Variants in SLC11A1 observed in about 807,000 individuals in gnomAD.
SLC11A1 encodes natural resistance-associated macrophage protein 1.
A neutral mutation model predicts 63.2 loss-of-function variants in SLC11A1; 59 were observed. That is an observed-to-expected ratio of 0.93 (90% CI 0.76 to 1.16). The LOEUF (loss-of-function observed/expected upper bound fraction) is 1.16, where lower values mean the gene tolerates loss of function less well. Among genes scored for constraint, SLC11A1 ranks in the 50% most tolerant of loss-of-function variants. The pLI, the probability that SLC11A1 is intolerant of heterozygous loss-of-function variation, is 0.00. For synonymous variants in SLC11A1, 305 were observed against 307.8 expected (o/e 0.99, Z 0.09); for missense variants, 688 against 730.7 (o/e 0.94, Z 0.67).
At position 218,393,510 on chromosome 2, in the gene SLC11A1, C is replaced by G. The variant is rs542084817; in HGVS notation, c.1314+380C>G. ...TTTTTTTTTGAGACGGAGTTTCACTCTTGTTACCCAGGCTAGAGTGCAGTG... is the reference window on the plus strand; with the variant it reads ...TTTTTTTTTGAGACGGAGTTTCACTGTTGTTACCCAGGCTAGAGTGCAGTG... On this transcript the variant is annotated intron_variant, in intron 12 of 14. Transcript: ENST00000233202. Among the ~76,000 whole-genome samples, 4 of 138,006 alleles carry G rather than the reference C, an allele frequency of 2.9e-5. No individual in the cohort carries two copies. In the South Asian group the frequency reaches 9.1e-4, roughly 31 times the overall value. 90.5% of individuals were successfully genotyped at this position (138,006 alleles called of 152,430 possible). A position where few individuals can be genotyped will look rare whatever the true frequency, so the allele number is the denominator to read the frequency against.
At chr2:218,385,823 T>C (rs1193769696) in intron 4 of SLC11A1, among the ~76,000 whole-genome samples, 1 of 151,994 alleles carries the variant, frequency 6.6e-6, no homozygotes, top group Admixed American at 6.6e-5. Context: ...AGACAAAAAA[T>C]GGGGAGGCAT....
At chr2:218,387,691 C>T in intron 7 of SLC11A1, 59 bp downstream of exon 7, 6 of 1,612,568 alleles carry the variant, frequency 3.7e-6, no homozygotes, top group African/African-American at 2.7e-5. Flanking sequence ...CTCTCCCTTC[C>T]CTCTGGCCGC....
At position 218,392,999 on chromosome 2, in the gene SLC11A1, T is replaced by C; in HGVS notation, c.1183T>C (p.Trp395Arg). ...FVMEGFLRLR[W>R]SRFARVLLTR... is the part of the protein sequence containing the mutation. ...ACCCCAGGGCTTCCTGAGGCTGCGGTGGTCACGCTTCGCCCGTGTCCTCCT... is the reference window on the plus strand; with the variant it reads ...ACCCCAGGGCTTCCTGAGGCTGCGGCGGTCACGCTTCGCCCGTGTCCTCCT... Residue 395 changes from tryptophan to arginine, a missense_variant, in exon 12 of 15, where the codon TGG (tryptophan) becomes CGG (arginine). By Grantham distance (101) the Trp-to-Arg change is moderately radical (BLOSUM62 -3). Transcript: ENST00000233202. 1 of 1,592,860 alleles carries C rather than the reference T, an allele frequency of 6.3e-7. No homozygotes were observed. The highest frequency in any genetic ancestry group is 8.5e-7 in the Non-Finnish European group (1 of 1,172,740).
intron 4 of SLC11A1, among the ~76,000 whole-genome samples, chr2:218,386,278 C>G (rs1270895499): frequency 6.6e-6 from 1 of 152,044 alleles, no homozygotes; most frequent in East Asian, 1.9e-4. Flanking sequence ...CATGGAGAAA[C>G]CCCGTCTCTA....
chr2:218,394,734 C>T lies in SLC11A1; in HGVS notation c.1491C>T (p.Phe497=), dbSNP rs1263533984. The T allele has an allele frequency of 4.3e-6, 7 of 1,613,938 alleles. No individual in the cohort carries two copies. The highest frequency in any genetic ancestry group is 4.0e-5 in the African/African-American group (3 of 75,070). The part of the protein sequence containing the change: ...YLPSLPHPAY[F]GLAALLAAAY... Reference sequence around the variant, plus strand: ...CCAGCCTGCCCCACCCTGCCTACTTCGGCCTTGCAGCCTTGCTGGCCGCAG... The same window carrying T: ...CCAGCCTGCCCCACCCTGCCTACTTTGGCCTTGCAGCCTTGCTGGCCGCAG... Residue 497 remains phenylalanine, a synonymous_variant, in exon 14 of 15, where the codon TTC becomes TTT. Coordinates refer to ENST00000233202, the MANE Select transcript of SLC11A1 (RefSeq NM_000578.4).
Position 218,393,011 on chromosome 2 carries a change from G to T in SLC11A1, c.1195G>T (p.Ala399Ser), listed in dbSNP as rs140431789. Residue 399 changes from alanine to serine, a missense_variant, in exon 12 of 15, where the codon GCC becomes TCC. Coordinates refer to ENST00000233202, the MANE Select transcript of SLC11A1 (RefSeq NM_000578.4). The part of the protein sequence containing the change: ...GFLRLRWSRF[A>S]RVLLTRSCAI... ...CCTGAGGCTGCGGTGGTCACGCTTC[G>T]CCCGTGTCCTCCTCACCCGCTCCTG... is the stretch of plus-strand genomic sequence containing the variant. 6.3e-7 allele frequency: 1 copy of T among 1,595,638 alleles called. No homozygotes were observed. The highest frequency in any genetic ancestry group is 1.7e-5 in the Admixed American group (1 of 58,150).
At position 218,392,974 on chromosome 2, in the gene SLC11A1, A is replaced by G. The variant is rs17221987; in HGVS notation, c.1165-7A>G. 30 of 1,582,926 alleles carry G rather than the reference A, an allele frequency of 1.9e-5. No homozygotes were observed. The highest frequency in any genetic ancestry group is 3.6e-5 in the Admixed American group (2 of 56,180). On this transcript the variant is annotated splice_region_variant and splice_polypyrimidine_tract_variant and intron_variant, in intron 11 of 14. Transcript: ENST00000233202. ...ACTCCTCACCAAGGAGTTCACCCCC[A>G]CCCCAGGGCTTCCTGAGGCTGCGGT...
At position 218,385,460 on chromosome 2, in the gene SLC11A1, A is replaced by G. The variant is rs1368741611; in HGVS notation, c.393+194A>G. The G allele has an allele frequency of 5.9e-6, 4 of 679,212 alleles. No homozygotes were observed. In the African/African-American group the frequency reaches 7.1e-5, roughly 12 times the overall value. 42.1% of individuals were successfully genotyped at this position (679,212 alleles called of 1,614,324 possible). ...GTCAGGAGTGCAATGGTGCGATGTC[A>G]GCTCACTGCAACCTCTACCTCCCAG... On this transcript the variant is annotated intron_variant, in intron 4 of 14. Transcript: ENST00000233202.
intron 13 of SLC11A1, 194 bp from the exon 14 acceptor site, chr2:218,394,438 C>A (rs1223410093): frequency 2.8e-6 from 2 of 720,302 alleles, no homozygotes; most frequent in Non-Finnish European, 4.5e-6. Flanking sequence ...CTTGCCAAAT[C>A]CCGCCAGTGT....
At position 218,384,110 on chromosome 2, in the gene SLC11A1, C is replaced by T; in HGVS notation, c.151-133C>T. On this transcript the variant is annotated intron_variant, in intron 2 of 14. Transcript: ENST00000233202. This position sits in a 1 kb window ranked among gnomAD's most constrained non-coding sequence, Gnocchi z 4.0. ...CCCTCCCCATCCCTTGGGTGGCAGA[C>T]CCAGGAATGGGCCATGGAGGGCAGG... 1 of 940,096 alleles carries T rather than the reference C, an allele frequency of 1.1e-6. No individual in the cohort carries two copies. Among genetic ancestry groups the T allele is most frequent in the South Asian group, 2.7e-5 (1 of 37,708 alleles). 58.2% of individuals were successfully genotyped at this position (940,096 alleles called of 1,614,324 possible).
intron 5 of SLC11A1, 30 bp downstream of exon 5, chr2:218,386,771 G>T (rs774712680): frequency 4.5e-6 from 7 of 1,547,408 alleles, no homozygotes; most frequent in Non-Finnish European, 6.2e-6. Context: ...CAACTCTTCA[G>T]GCCAGGCAGA....
chr2:218,391,145 C>T, intron 9 of SLC11A1, 53 bp from the exon 10 acceptor site: 1 of 1,548,546 alleles, frequency 6.5e-7, no homozygotes, highest in African/African-American at 1.4e-5. Context: ...GTCCAGTTTC[C>T]CAAGGCTGAG....
In SLC11A1 at chr2:218,394,128, C is replaced by T. The variant is rs759882881; in HGVS notation, c.1323C>T (p.Phe441=). Residue 441 remains phenylalanine, a synonymous_variant, in exon 13 of 15, where the codon TTC becomes TTT. Coordinates refer to ENST00000233202, the MANE Select transcript of SLC11A1 (RefSeq NM_000578.4). ...CCTGCTGCTCTCCCCAGCTCCCGTT[C>T]GCCGTGCTGCCCATCCTCACGTTCA... ...LNVLQSLLLP[F]AVLPILTFTS... The T allele has an allele frequency of 5.6e-6, 9 of 1,614,142 alleles. No individual in the cohort carries two copies. The highest frequency in any genetic ancestry group is 2.2e-5 in the East Asian group (1 of 44,884).
At chr2:218,392,925 C>T in intron 11 of SLC11A1, 56 bp from the exon 12 acceptor site, 1 of 1,421,028 alleles carries the variant, frequency 7.0e-7, no homozygotes. Context: ...GAGGATCTCT[C>T]CTCTGGAATC....
At position 218,384,893 on chromosome 2, in the gene SLC11A1, A is replaced by T. The variant is rs149488479; in HGVS notation, c.274-254A>T. ...TGAGCCACCTTGCCTGGCGTAATTTATTTATTTATTTAGAGATGGGGGTCT... is the reference window on the plus strand; with the variant it reads ...TGAGCCACCTTGCCTGGCGTAATTTTTTTATTTATTTAGAGATGGGGGTCT... On this transcript the variant is annotated intron_variant, in intron 3 of 14. Coordinates refer to ENST00000233202, the MANE Select transcript of SLC11A1 (RefSeq NM_000578.4). This position sits in a 1 kb window ranked among gnomAD's most constrained non-coding sequence, Gnocchi z 4.0. 2.5e-6 allele frequency: 1 copy of T among 405,358 alleles called. No individual in the cohort carries two copies. Among genetic ancestry groups the T allele is most frequent in the Non-Finnish European group, 4.6e-6 (1 of 216,820 alleles). 25.1% of individuals were successfully genotyped at this position (405,358 alleles called of 1,614,324 possible). A position where few individuals can be genotyped will look rare whatever the true frequency, so the allele number is the denominator to read the frequency against.
chr2:218,386,649 C>T lies in SLC11A1; in HGVS notation c.408C>T (p.Val136=), dbSNP rs894848159. The T allele has an allele frequency of 2.5e-6, 4 of 1,613,688 alleles. No homozygotes were observed. The African/African-American group carries it at 5.3e-5, about 22-fold the overall frequency. The change falls in exon 5 of 15, where the codon GTC becomes GTT. Residue 136 remains valine (V), a synonymous_variant. Coordinates refer to ENST00000233202, the MANE Select transcript of SLC11A1 (RefSeq NM_000578.4). The part of the protein sequence containing the change: ...HLYYPKVPRT[V]LWLTIELAIV... ...CCTCCCCATAGGTGCCCCGCACCGT[C>T]CTCTGGCTGACCATCGAGCTAGCCA...
intron 4 of SLC11A1, 76 bp downstream of exon 4, chr2:218,385,342 A>G: frequency 6.3e-7 from 1 of 1,583,714 alleles, no homozygotes; most frequent in Non-Finnish European, 8.7e-7. Flanking sequence ...TCCACGATCA[A>G]ATAAATACAT....
chr2:218,384,200 A>G lies in SLC11A1; in HGVS notation c.151-43A>G, dbSNP rs1297478428. ...GCCAAGGCCAGCTGCCACCATCCCT[A>G]TACCCAGGACCCCCTCACTCTACTC... On this transcript the variant is annotated intron_variant, in intron 2 of 14. Coordinates refer to ENST00000233202, the MANE Select transcript of SLC11A1 (RefSeq NM_000578.4). This position sits in a 1 kb window ranked among gnomAD's most constrained non-coding sequence, Gnocchi z 4.0. 4.5e-6 allele frequency: 7 copies of G among 1,549,174 alleles called. No homozygotes were observed. The highest frequency in any genetic ancestry group is 2.7e-5 in the African/African-American group (2 of 73,308).
rs1003382707 is a variant in SLC11A1, at chr2:218,390,032, A to C, written c.954+4A>C. ...CCAGAAAACCAACCAGGCTGCGGTG[A>C]GACACACTTTCCCCCGCACCTGAGG... On this transcript the variant is annotated splice_donor_region_variant and intron_variant, in intron 9 of 14. Coordinates refer to ENST00000233202, the MANE Select transcript of SLC11A1 (RefSeq NM_000578.4). The C allele has an allele frequency of 1.9e-5, 31 of 1,607,844 alleles. No homozygotes were observed. The highest frequency in any genetic ancestry group is 2.3e-5 in the Non-Finnish European group (27 of 1,176,700).
Sources: gnomAD v4.1 joint callset for allele counts (sites outside exome capture counted in the v4.1 genomes callset) on GRCh38, gnomAD v4.1.1 for gene constraint, Gnocchi (gnomAD v3.1) non-coding constraint, MANE v1.5 for transcripts, NCBI Gene and HGNC (gene_info 2026-07-23, HGNC 2026-07-21) for gene names.